The following FRMD6 variants were observed in gnomAD, a reference collection of about 807,000 sequenced individuals.
FRMD6 encodes the protein FERM domain-containing protein 6.
FRMD6 carries 37 observed loss-of-function variants against 73.2 expected under a neutral mutation model. The ratio of observed to expected loss-of-function variants is 0.51; its 90% confidence interval spans 0.39 to 0.66. FRMD6 has a LOEUF of 0.66. Ranked by LOEUF, FRMD6 falls within the 30% of genes least tolerant of loss-of-function variation. The pLI, the probability that FRMD6 is intolerant of heterozygous loss-of-function variation, is 0.00. For synonymous variants in FRMD6, 273 were observed against 282.2 expected (o/e 0.97, Z 0.33); for missense variants, 714 against 780.5 (o/e 0.91, Z 1.02).
the FRMD6 span, among the ~76,000 whole-genome samples, chr14:51,461,042 C>T: frequency 3.9e-5 from 6 of 152,192 alleles, 1 homozygote; most frequent in South Asian, 1.2e-3. Flanking sequence ...TTTATAGATC[C>T]AAAGAGCCAC....
At chr14:51,686,851 TTTAAGA>T (rs1260265981) in intron 1 of FRMD6, among the ~76,000 whole-genome samples, 5 of 152,136 alleles carry the variant, frequency 3.3e-5, no homozygotes, top group Non-Finnish European at 4.4e-5. Flanking sequence ...GACTGCCCAA[TTTAAGA>T]TTAAGTTTTA....
rs1010383240 is a variant in FRMD6, at chr14:51,616,168, T to C, written c.-147+45758T>C. ...AGAGGATAGGAAGTTGAGATGTCTG[T>C]AGTTGACAGCCTTCCATTTTCTGAT... On this transcript the variant is annotated intron_variant, in intron 2 of 14. Transcript: ENST00000356218. Among the ~76,000 whole-genome samples the C allele has an allele frequency of 3.9e-5, 6 of 152,166 alleles. No homozygotes were observed. In the East Asian group the frequency reaches 1.2e-3, roughly 29 times the overall value.
chr14:51,549,800 T>C (rs1401191951), intron 1 of FRMD6, among the ~76,000 whole-genome samples: 1 of 151,978 alleles, frequency 6.6e-6, no homozygotes, highest in Non-Finnish European at 1.5e-5. Flanking sequence ...TTTCACCGTG[T>C]TAGCCAGGAT....
At chr14:51,495,195 T>C (rs1345244069) in intron 1 of FRMD6, among the ~76,000 whole-genome samples, 1 of 152,202 alleles carries the variant, frequency 6.6e-6, no homozygotes, top group East Asian at 1.9e-4. Context: ...GTGACAAGGA[T>C]CACCTTTCTT....
At chr14:51,680,530 A>G (rs915442722) in intron 1 of FRMD6, among the ~76,000 whole-genome samples, 1 of 152,218 alleles carries the variant, frequency 6.6e-6, no homozygotes, top group African/African-American at 2.4e-5. Context: ...TGTATGAACT[A>G]CACTTTAACA....
At chr14:51,474,654 G>A in the FRMD6 span, among the ~76,000 whole-genome samples, 2 of 152,174 alleles carry the variant, frequency 1.3e-5, no homozygotes, top group African/African-American at 4.8e-5. Flanking sequence ...ATTGGAGTGG[G>A]CCAGCCCACA....
Position 51,722,028 on chromosome 14 carries a change from C to T in FRMD6, c.1440C>T (p.Cys480=), listed in dbSNP as rs765562097. 6.8e-6 allele frequency: 11 copies of T among 1,613,978 alleles called. No homozygotes were observed. Among genetic ancestry groups the T allele is most frequent in the East Asian group, 2.2e-5 (1 of 44,894 alleles). The change falls in exon 12 of 14, where the codon TGC becomes TGT. Residue 480 remains cysteine, a synonymous_variant. Coordinates refer to ENST00000344768, the MANE Select transcript of FRMD6 (RefSeq NM_001267046.2). ...CTCTGGAAGTCAGCCCAGACATGTG[C>T]ATCTACATCACAGAGGACATGCTCA... is the stretch of plus-strand genomic sequence containing the variant. The part of the protein sequence containing the change: ...EESLEVSPDM[C]IYITEDMLMS...
At chr14:51,436,370 G>A in the FRMD6 span, 2 of 426,682 alleles carry the variant, frequency 4.7e-6, no homozygotes, top group South Asian at 2.4e-5. Flanking sequence ...TTGGGGAGGA[G>A]GACGAAGAGG....
chr14:51,710,432 C>T (rs1009219042), intron 7 of FRMD6, among the ~76,000 whole-genome samples: 5 of 152,100 alleles, frequency 3.3e-5, no homozygotes, highest in Admixed American at 1.3e-4. Flanking sequence ...TTTTTATGAG[C>T]ATAGCCTTAT....
intron 2 of FRMD6, among the ~76,000 whole-genome samples, chr14:51,691,554 G>A (rs1895567522): frequency 8.3e-6 from 1 of 120,942 alleles, no homozygotes; most frequent in African/African-American, 2.9e-5. Flanking sequence ...TTTCCTATAT[G>A]TTACTATATT....
chr14:51,653,406 G>A (rs148672644), intron 1 of FRMD6, among the ~76,000 whole-genome samples: 1 of 152,278 alleles, frequency 6.6e-6, no homozygotes, highest in African/African-American at 2.4e-5. Flanking sequence ...GTGATTTCAG[G>A]GAGTTGATAT....
In FRMD6 at chr14:51,535,841, T is replaced by A. The variant is rs937695401; in HGVS notation, c.-209-34507T>A. On this transcript the variant is annotated intron_variant, in intron 1 of 14. Transcript: ENST00000356218. ...GTATGAGGGTTCCAATTTATCCACA[T>A]CCTTGTCTACACTTATTATTGTCTG... Among the ~76,000 whole-genome samples the A allele has an allele frequency of 2.0e-5, 3 of 152,022 alleles. No homozygotes were observed. The East Asian group carries it at 5.8e-4, about 29-fold the overall frequency.
At chr14:51,536,873 T>C (rs1341186673) in intron 1 of FRMD6, among the ~76,000 whole-genome samples, 1 of 152,178 alleles carries the variant, frequency 6.6e-6, no homozygotes, top group Non-Finnish European at 1.5e-5. Context: ...TTCTTTTAAA[T>C]AGGCTTTTTA....
intron 2 of FRMD6, among the ~76,000 whole-genome samples, chr14:51,690,850 A>AT (rs11397229): frequency 0.13 from 20,173 of 151,620 alleles, 1,497 homozygotes; most frequent in Non-Finnish European, 0.16. Context: ...GAGGAATGTG[A>AT]TTTTTTTTTA....
intron 11 of FRMD6, chr14:51,720,669 TTG>T (rs1244931009): frequency 2.2e-6 from 1 of 452,598 alleles, no homozygotes; most frequent in African/African-American, 2.0e-5. Context: ...CCTGCTGCCC[TTG>T]TGTCTGTATT....
intron 2 of FRMD6, among the ~76,000 whole-genome samples, chr14:51,697,242 A>G (rs1896008293): frequency 6.6e-6 from 1 of 152,208 alleles, no homozygotes. Flanking sequence ...TATTCATAAC[A>G]GTCAAGGTAT....
intron 2 of FRMD6, among the ~76,000 whole-genome samples, chr14:51,645,949 G>A (rs996543504): frequency 2.0e-5 from 3 of 152,084 alleles, no homozygotes; most frequent in Non-Finnish European, 2.9e-5. Context: ...CTGTACATGC[G>A]TATTCTGAAA....
At chr14:51,628,413 A>G (rs948608091) in intron 2 of FRMD6, among the ~76,000 whole-genome samples, 3 of 152,202 alleles carry the variant, frequency 2.0e-5, no homozygotes, top group Admixed American at 1.3e-4. Flanking sequence ...GTTTGAGAAC[A>G]TTTCCAACAT....
chr14:51,490,178 T>C (rs1882913360), intron 1 of FRMD6, among the ~76,000 whole-genome samples: 1 of 152,158 alleles, frequency 6.6e-6, no homozygotes, highest in South Asian at 2.1e-4. Context: ...ATAAAGGGAA[T>C]ATGGAGAAGA....
Sources: allele counts gnomAD v4.1 joint callset (sites outside exome capture counted in the v4.1 genomes callset), GRCh38; gene constraint gnomAD v4.1.1; transcripts MANE v1.5; gene names NCBI Gene and HGNC (gene_info 2026-07-23, HGNC 2026-07-21).